The following MEGF11 variants were observed in gnomAD, a reference collection of about 807,000 sequenced individuals.
MEGF11 encodes multiple EGF like domains 11, also known as multiple epidermal growth factor-like domains protein 11.
In MEGF11, 126 loss-of-function variants were observed where a neutral mutation model predicts 146.6. That is an observed-to-expected ratio of 0.86 (90% CI 0.74 to 1.00). MEGF11 has a LOEUF of 1.00. Ranked by LOEUF, MEGF11 falls within the 50% of genes least tolerant of loss-of-function variation. MEGF11 has a pLI of 0.00. For synonymous variants in MEGF11, 532 were observed against 583.4 expected, an observed-to-expected ratio of 0.91 and a Z score of 1.27; for missense variants, 1,509 against 1,521.2, an observed-to-expected ratio of 0.99 and a Z score of 0.13.
At chr15:65,976,288 G>A (rs753858267) in intron 7 of MEGF11, among the ~76,000 whole-genome samples, 11 of 152,042 alleles carry the variant, frequency 7.2e-5, no homozygotes, top group African/African-American at 2.2e-4. Flanking sequence ...TGATCCACCC[G>A]CCTCGGCCTC....
At chr15:66,036,117 G>C (rs1228597809) in intron 5 of MEGF11, among the ~76,000 whole-genome samples, 1 of 152,214 alleles carries the variant, frequency 6.6e-6, no homozygotes, top group Non-Finnish European at 1.5e-5. Flanking sequence ...GGCATCCCTG[G>C]GGACAACCTT....
At chr15:66,106,116 A>C (rs1040402665) in intron 4 of MEGF11, among the ~76,000 whole-genome samples, 8 of 152,298 alleles carry the variant, frequency 5.3e-5, no homozygotes, top group African/African-American at 1.7e-4. Context: ...CAAAGAAGCG[A>C]TTCTGGCTCC....
At chr15:65,978,565 C>T (rs1345440442) in intron 7 of MEGF11, among the ~76,000 whole-genome samples, 4 of 152,246 alleles carry the variant, frequency 2.6e-5, no homozygotes, top group Non-Finnish European at 5.9e-5. Context: ...ACCCGAGCCT[C>T]AGCAGTGTCT....
intron 1 of MEGF11, among the ~76,000 whole-genome samples, chr15:66,224,324 C>T (rs1213606688): frequency 6.6e-6 from 1 of 152,052 alleles, no homozygotes; most frequent in Admixed American, 6.6e-5. Flanking sequence ...TCTGTAATCC[C>T]AGCACTTTGG....
rs2079451417 is a variant in MEGF11 at position 65,928,440 on chromosome 15, GGCA to G, written c.1657_1659del (p.Cys553del). ...GGAAGGTTACCTGTCCATCCGGCCA[GGCA>G]GCAGCAGTGGCCTGTGACGGGGTCA... On this transcript the variant is annotated inframe_deletion, in exon 13 of 26. Coordinates refer to ENST00000395614, the MANE Select transcript of MEGF11 (RefSeq NM_001385028.1). 2.5e-6 allele frequency: 4 copies of G among 1,597,254 alleles called. No homozygotes were observed. Among genetic ancestry groups the G allele is most frequent in the South Asian group, 1.1e-5 (1 of 88,140 alleles).
chr15:66,010,706 T>G (rs1421963303), intron 5 of MEGF11, among the ~76,000 whole-genome samples: 1 of 152,198 alleles, frequency 6.6e-6, no homozygotes, highest in Admixed American at 6.5e-5. Context: ...TGGACGTGCA[T>G]GATAACTTCC....
chr15:65,912,661 A>G lies in MEGF11; in HGVS notation c.2711-461T>C, dbSNP rs146643999. On this transcript the variant is annotated intron_variant, in intron 20 of 25. Transcript: ENST00000395614. ...GGCTGGGGAATACCAGAGGAATGGC[A>G]TAGGAAACCCTAGCCAGCCTTCTCA... is the stretch of plus-strand genomic sequence containing the variant. 1.3e-3 allele frequency among the ~76,000 whole-genome samples: 204 copies of G among 152,316 alleles called. 1 individual carries two copies. The highest frequency in any genetic ancestry group is 4.7e-3 in the African/African-American group (196 of 41,568).
chr15:65,998,748 G>A (rs925645572), intron 5 of MEGF11, among the ~76,000 whole-genome samples: 4 of 152,108 alleles, frequency 2.6e-5, no homozygotes, highest in East Asian at 1.9e-4. Flanking sequence ...TGATGGCCTC[G>A]TCAGTCACCC....
At chr15:66,001,291 T>C (rs919118380) in intron 5 of MEGF11, among the ~76,000 whole-genome samples, 4 of 152,098 alleles carry the variant, frequency 2.6e-5, no homozygotes, top group African/African-American at 9.7e-5. Context: ...TGAACATCTG[T>C]ACCTCGTGGC....
At chr15:66,038,868 G>A (rs1372968499) in intron 5 of MEGF11, among the ~76,000 whole-genome samples, 1 of 152,136 alleles carries the variant, frequency 6.6e-6, no homozygotes, top group African/African-American at 2.4e-5. Flanking sequence ...AAAGCAGGAG[G>A]GGAAAAAAGA....
chr15:65,902,211 C>G (rs1034773592), intron 24 of MEGF11: 7 of 152,250 alleles, frequency 4.6e-5, no homozygotes. Context: ...GATAGTGCCT[C>G]TTCTCATTTT....
At chr15:65,951,138 G>A (rs1342772943) in intron 10 of MEGF11, among the ~76,000 whole-genome samples, 1 of 152,226 alleles carries the variant, frequency 6.6e-6, no homozygotes, top group Non-Finnish European at 1.5e-5. Flanking sequence ...ACACACAGTG[G>A]AAACAAAGGG....
chr15:65,914,637 A>G (rs891595076), intron 19 of MEGF11, among the ~76,000 whole-genome samples: 3 of 152,142 alleles, frequency 2.0e-5, no homozygotes, highest in African/African-American at 7.2e-5. Context: ...CCAGGCCCAC[A>G]GTGTCTAGAC....
At position 65,964,595 on chromosome 15, in the gene MEGF11, C is replaced by T. The variant is rs147447289; in HGVS notation, c.1112+313G>A. On this transcript the variant is annotated intron_variant, in intron 9 of 25. Coordinates refer to ENST00000395614, the MANE Select transcript of MEGF11 (RefSeq NM_001385028.1). Reference sequence around the variant, plus strand: ...TAGCCCCCAGGGTCATGCAGCTGTGCTCCACCCCACCTCCTTGTTCTCTCC... The same window carrying T: ...TAGCCCCCAGGGTCATGCAGCTGTGTTCCACCCCACCTCCTTGTTCTCTCC... Among the ~76,000 whole-genome samples the T allele has an allele frequency of 2.2e-3, 330 of 152,288 alleles. 1 individual carries two copies. The highest frequency in any genetic ancestry group is 3.2e-3 in the Non-Finnish European group (216 of 68,012).
At chr15:65,983,359 AG>A (rs1394350070) in intron 5 of MEGF11, among the ~76,000 whole-genome samples, 5 of 152,204 alleles carry the variant, frequency 3.3e-5, no homozygotes, top group African/African-American at 1.2e-4. Context: ...GCAGAGCCCC[AG>A]AGAGGTCACC....
In MEGF11 at chr15:66,000,445, T is replaced by C. The variant is rs527452049; in HGVS notation, c.395-17957A>G. On this transcript the variant is annotated intron_variant, in intron 5 of 25. Transcript: ENST00000395614. ...TACTTGGGAGGCCGATGTGAAAGGA[T>C]TGCTTCAGTCCAGGAATTCCAGGCT... is the stretch of plus-strand genomic sequence containing the variant. Among the ~76,000 whole-genome samples, 10 of 152,204 alleles carry C rather than the reference T, an allele frequency of 6.6e-5. No individual in the cohort carries two copies. In the East Asian group the frequency reaches 1.9e-3, roughly 29 times the overall value.
intron 4 of MEGF11, among the ~76,000 whole-genome samples, chr15:66,098,309 C>T (rs2086638244): frequency 6.6e-6 from 1 of 152,152 alleles, no homozygotes; most frequent in Non-Finnish European, 1.5e-5. Flanking sequence ...AAAGGTGGCC[C>T]CATCTGCTGT....
intron 25 of MEGF11, 107 bp from the exon 26 acceptor site, chr15:65,898,201 TA>T: frequency 6.8e-7 from 1 of 1,467,630 alleles, no homozygotes; most frequent in South Asian, 1.4e-5. Context: ...CAGGGATTTA[TA>T]AATCTATGGC....
intron 21 of MEGF11, among the ~76,000 whole-genome samples, chr15:65,911,819 TAC>T (rs1468366871): frequency 6.6e-6 from 1 of 152,236 alleles, no homozygotes; most frequent in Non-Finnish European, 1.5e-5. Flanking sequence ...ACCAGTTGGT[TAC>T]ACACAGGGTA....
Sources: gnomAD v4.1 joint callset for allele counts (sites outside exome capture counted in the v4.1 genomes callset) on GRCh38, gnomAD v4.1.1 for gene constraint, MANE v1.5 for transcripts, NCBI Gene and HGNC (gene_info 2026-07-23, HGNC 2026-07-21) for gene names.